The following UNC13C variants were observed in gnomAD, a reference collection of about 807,000 sequenced individuals.
The protein encoded by UNC13C is unc-13 homolog C.
Under a neutral mutation model 245.4 loss-of-function variants are expected in UNC13C, and 174 were observed. The ratio of observed to expected loss-of-function variants is 0.71; its 90% CI spans 0.63 to 0.80. The LOEUF is 0.80. Among genes scored for constraint, UNC13C ranks in the 30% least tolerant of loss-of-function variants. The pLI, the probability that UNC13C is intolerant of heterozygous loss-of-function variation, is 0.00. For synonymous variants in UNC13C, 992 were observed against 895.1 expected, an observed-to-expected ratio of 1.11 and a Z score of -1.93; for missense variants, 2,829 against 2,602.9, an observed-to-expected ratio of 1.09 and a Z score of -1.89.
intron 18 of UNC13C, among the ~76,000 whole-genome samples, chr15:54,413,439 AT>A (rs1367937331): frequency 5.9e-5 from 9 of 152,268 alleles, no homozygotes; most frequent in Admixed American, 5.9e-4. Flanking sequence ...AAAATGTGTT[AT>A]GCTAGTATTT....
intron 26 of UNC13C, among the ~76,000 whole-genome samples, chr15:54,533,888 G>A (rs771551399): frequency 6.6e-6 from 1 of 152,184 alleles, no homozygotes; most frequent in Non-Finnish European, 1.5e-5. Flanking sequence ...CTCAAAACCA[G>A]AACTGAATGT....
intron 17 of UNC13C, among the ~76,000 whole-genome samples, chr15:54,343,036 G>A (rs139327487): frequency 6.6e-6 from 1 of 151,868 alleles, no homozygotes; most frequent in East Asian, 1.9e-4. Context: ...CCTCCCATAG[G>A]GCTCTTTCAA....
chr15:54,221,179 G>A (rs999198763), intron 4 of UNC13C, among the ~76,000 whole-genome samples: 1 of 152,000 alleles, frequency 6.6e-6, no homozygotes, highest in Non-Finnish European at 1.5e-5. Context: ...GTCAGTTTAT[G>A]AGGGACCTAA....
At chr15:54,429,320 A>G (rs2040820313) in intron 19 of UNC13C, among the ~76,000 whole-genome samples, 1 of 151,776 alleles carries the variant, frequency 6.6e-6, no homozygotes, top group African/African-American at 2.4e-5. Context: ...GCAATACAGA[A>G]ATTCCTGAGG....
intron 19 of UNC13C, among the ~76,000 whole-genome samples, chr15:54,449,632 C>T (rs770054991): frequency 1.3e-5 from 2 of 152,276 alleles, no homozygotes; most frequent in South Asian, 4.1e-4. Context: ...CCATCAGGTC[C>T]TTTAAGGACT....
At chr15:54,591,590 T>C (rs1180580745) in intron 30 of UNC13C, among the ~76,000 whole-genome samples, 1 of 152,166 alleles carries the variant, frequency 6.6e-6, no homozygotes, top group African/African-American at 2.4e-5. Context: ...TTGTTCATAG[T>C]AGCCTTGAAT....
At chr15:53,985,179 T>C (rs1427410247) in intron 1 of UNC13C, among the ~76,000 whole-genome samples, 2 of 152,024 alleles carry the variant, frequency 1.3e-5, no homozygotes, top group Admixed American at 1.3e-4. Flanking sequence ...CTCCCACTTA[T>C]GAGTGAGAGC....
At chr15:54,071,783 G>A (rs1277806050) in intron 2 of UNC13C, among the ~76,000 whole-genome samples, 4 of 152,178 alleles carry the variant, frequency 2.6e-5, no homozygotes, top group Admixed American at 1.3e-4. Flanking sequence ...TCTGGTTGCT[G>A]TAATGGCAGC....
intron 8 of UNC13C, among the ~76,000 whole-genome samples, chr15:54,254,713 A>G (rs2036235695): frequency 6.6e-6 from 1 of 152,246 alleles, no homozygotes; most frequent in South Asian, 2.1e-4. Flanking sequence ...ATTAGAACTC[A>G]GGTCTCTGAA....
chr15:54,237,485 C>T, intron 6 of UNC13C, 134 bp from the exon 7 acceptor site: 1 of 741,046 alleles, frequency 1.3e-6, no homozygotes, highest in East Asian at 2.7e-5. Flanking sequence ...CGGCTGATTA[C>T]CAAAATGGCA....
chr15:54,153,299 T>C (rs2032606041), intron 4 of UNC13C, among the ~76,000 whole-genome samples: 1 of 148,870 alleles, frequency 6.7e-6, no homozygotes, highest in Non-Finnish European at 1.5e-5. Context: ...TTAAAAATGG[T>C]ATATCTCAAA....
intron 17 of UNC13C, among the ~76,000 whole-genome samples, chr15:54,380,350 T>G (rs559899835): frequency 6.6e-6 from 1 of 152,218 alleles, no homozygotes; most frequent in Non-Finnish European, 1.5e-5. Flanking sequence ...TATACATATG[T>G]ATGGTTTTTA....
intron 2 of UNC13C, among the ~76,000 whole-genome samples, chr15:54,084,677 C>G (rs754857122): frequency 6.6e-6 from 1 of 152,108 alleles, no homozygotes; most frequent in Non-Finnish European, 1.5e-5. Context: ...AGAAAGTATA[C>G]ATAAAAACAT....
chr15:54,299,698 TG>T (rs1466675642), intron 12 of UNC13C, among the ~76,000 whole-genome samples: 2 of 152,150 alleles, frequency 1.3e-5, no homozygotes, highest in African/African-American at 4.8e-5. Context: ...TCATATTTTT[TG>T]ATGTAAGACA....
chr15:53,867,469 A>G, the UNC13C span, among the ~76,000 whole-genome samples: 1 of 152,160 alleles, frequency 6.6e-6, no homozygotes, highest in Non-Finnish European at 1.5e-5. Flanking sequence ...GTCTGTACAG[A>G]TTAGTGAAAG....
intron 1 of UNC13C, among the ~76,000 whole-genome samples, chr15:53,996,959 G>T (rs1189056747): frequency 6.6e-6 from 1 of 151,666 alleles, no homozygotes; most frequent in Non-Finnish European, 1.5e-5. Flanking sequence ...TGAATCATAG[G>T]GTGCATGTAG....
At chr15:54,290,016 A>G (rs2037255616) in intron 10 of UNC13C, among the ~76,000 whole-genome samples, 1 of 152,130 alleles carries the variant, frequency 6.6e-6, no homozygotes, top group South Asian at 2.1e-4. Flanking sequence ...GGGCATCCAT[A>G]CATATGCTTC....
chr15:54,314,371 A>G (rs1351480750), intron 13 of UNC13C, among the ~76,000 whole-genome samples: 1 of 151,808 alleles, frequency 6.6e-6, no homozygotes, highest in Non-Finnish European at 1.5e-5. Context: ...GCCATTCCAT[A>G]TTGTATACAT....
intron 4 of UNC13C, among the ~76,000 whole-genome samples, chr15:54,205,714 T>C (rs962443369): frequency 2.0e-5 from 3 of 152,072 alleles, no homozygotes; most frequent in African/African-American, 7.2e-5. Flanking sequence ...TCTTTTAAGC[T>C]TCTCTACTTT....
Sources: allele counts gnomAD v4.1 joint callset (sites outside exome capture counted in the v4.1 genomes callset), GRCh38; gene constraint gnomAD v4.1.1; transcripts MANE v1.5; gene names NCBI Gene and HGNC (gene_info 2026-07-23, HGNC 2026-07-21).